The following CLMP variants were observed in gnomAD, a reference collection of about 807,000 sequenced individuals.
The protein encoded by CLMP is CXADR like cell adhesion molecule.
In CLMP, 27 loss-of-function variants were observed where a neutral mutation model predicts 45.2. The ratio of observed to expected loss-of-function variants is 0.60; its 90% CI spans 0.44 to 0.82. The LOEUF (loss-of-function observed/expected upper bound fraction) is 0.82, where lower values mean the gene tolerates loss of function less well. Among genes scored for constraint, CLMP ranks in the 40% least tolerant of loss-of-function variants. CLMP has a pLI of 0.00. For synonymous variants in CLMP, 167 were observed against 171.4 expected, an observed-to-expected ratio of 0.97 and a Z score of 0.20; for missense variants, 403 against 448.4, an observed-to-expected ratio of 0.90 and a Z score of 0.91.
chr11:123,135,112 T>C (rs951504362), intron 1 of CLMP, among the ~76,000 whole-genome samples: 1 of 151,652 alleles, frequency 6.6e-6, no homozygotes, highest in Admixed American at 6.6e-5. Flanking sequence ...ATACAAAAAT[T>C]AGCCAGACAT....
intron 1 of CLMP, among the ~76,000 whole-genome samples, chr11:123,136,880 C>T (rs1861080809): frequency 6.6e-6 from 1 of 151,936 alleles, no homozygotes; most frequent in Admixed American, 6.6e-5. Flanking sequence ...CTTTGATTTT[C>T]TGAAAGTATA....
chr11:123,132,019 G>A (rs11219010), intron 1 of CLMP, among the ~76,000 whole-genome samples: 21,419 of 152,164 alleles, frequency 0.14, 1,894 homozygotes, highest in East Asian at 0.25. Flanking sequence ...AAAGCACGTT[G>A]TATAAAATTT....
intron 1 of CLMP, among the ~76,000 whole-genome samples, chr11:123,132,791 T>A (rs925672063): frequency 3.8e-4 from 58 of 151,648 alleles, no homozygotes; most frequent in African/African-American, 1.2e-3. Context: ...TTATTTATTT[T>A]TTTTTGAGAC....
chr11:123,118,662 C>T (rs975191394), intron 1 of CLMP, among the ~76,000 whole-genome samples: 2 of 152,082 alleles, frequency 1.3e-5, no homozygotes, highest in African/African-American at 2.4e-5. Flanking sequence ...CAAGAATAGA[C>T]CTGGCATTGC....
intron 1 of CLMP, among the ~76,000 whole-genome samples, chr11:123,192,051 A>T (rs1385726077): frequency 6.6e-6 from 1 of 152,246 alleles, no homozygotes; most frequent in Non-Finnish European, 1.5e-5. Flanking sequence ...GGGAATGAAC[A>T]TGATTTTGAT....
rs140979823 is a variant in CLMP at position 123,116,294 on chromosome 11, T to G, written c.29-18342A>C. Reference sequence around the variant, plus strand: ...TTAATAAAGCCTTAAAGGCCTGGCATGGTGGCTCACGCCTGTAATCCCAGC... The same window carrying G: ...TTAATAAAGCCTTAAAGGCCTGGCAGGGTGGCTCACGCCTGTAATCCCAGC... On this transcript the variant is annotated intron_variant, in intron 1 of 6. Coordinates refer to ENST00000448775, the MANE Select transcript of CLMP (RefSeq NM_024769.5). 2.8e-4 allele frequency among the ~76,000 whole-genome samples: 43 copies of G among 152,214 alleles called. No homozygotes were observed. In the East Asian group the frequency reaches 8.1e-3, roughly 29 times the overall value.
chr11:123,085,693 C>G (rs1451120417), intron 2 of CLMP, among the ~76,000 whole-genome samples: 1 of 151,714 alleles, frequency 6.6e-6, no homozygotes, highest in Non-Finnish European at 1.5e-5. Context: ...CACAGTTACC[C>G]CTCTGCACAC....
intron 5 of CLMP, 149 bp from the exon 6 acceptor site, chr11:123,074,992 G>A (rs1435663678): frequency 3.2e-6 from 3 of 926,020 alleles, no homozygotes; most frequent in African/African-American, 3.4e-5. Context: ...TTTCACTCTT[G>A]TTGCCCAGGC....
At chr11:123,095,389 C>T (rs1362083028) in intron 2 of CLMP, among the ~76,000 whole-genome samples, 1 of 151,966 alleles carries the variant, frequency 6.6e-6, no homozygotes, top group Non-Finnish European at 1.5e-5. Flanking sequence ...CTGCCTTGGC[C>T]TCCTGAGTAG....
At chr11:123,120,948 A>C (rs1860807789) in intron 1 of CLMP, among the ~76,000 whole-genome samples, 1 of 151,880 alleles carries the variant, frequency 6.6e-6, no homozygotes, top group South Asian at 2.1e-4. Flanking sequence ...AACATGGTGA[A>C]ACCCCCTCTC....
intron 1 of CLMP, among the ~76,000 whole-genome samples, chr11:123,134,785 G>T (rs1333771698): frequency 6.6e-6 from 1 of 150,634 alleles, no homozygotes; most frequent in Non-Finnish European, 1.5e-5. Context: ...TCCAGCCCGG[G>T]CAACAGAGTG....
At chr11:123,121,412 C>T (rs1450572524) in intron 1 of CLMP, among the ~76,000 whole-genome samples, 1 of 152,122 alleles carries the variant, frequency 6.6e-6, no homozygotes, top group Non-Finnish European at 1.5e-5. Flanking sequence ...ATTCTCCTGC[C>T]TCAGCCTCCT....
chr11:123,167,284 T>C (rs1334935493), intron 1 of CLMP, among the ~76,000 whole-genome samples: 1 of 151,938 alleles, frequency 6.6e-6, no homozygotes, highest in African/African-American at 2.4e-5. Flanking sequence ...ATGTCTTTTA[T>C]TTCTTTCTTT....
chr11:123,139,040 C>T (rs577916947), intron 1 of CLMP, among the ~76,000 whole-genome samples: 45 of 152,084 alleles, frequency 3.0e-4, no homozygotes, highest in Admixed American at 5.9e-4. Context: ...ATTTAAGTTC[C>T]GTGTCTATAA....
At position 123,072,038 on chromosome 11, in the gene CLMP, C is replaced by G. The variant is rs2135458050; in HGVS notation, c.*1436G>C. ...CCCACTACTTATTCTCATCTCTTCC[C>G]TAAATATTAGTACCCTTTTCTTCCA... On this transcript the variant is annotated 3_prime_UTR_variant, in exon 7 of 7. Transcript: ENST00000448775. 6.6e-6 allele frequency: 1 copy of G among 152,320 alleles called. No individual in the cohort carries two copies. Among genetic ancestry groups the G allele is most frequent in the East Asian group, 1.9e-4 (1 of 5,190 alleles). 9.4% of individuals were successfully genotyped at this position (152,320 alleles called of 1,614,324 possible). A position where few individuals can be genotyped will look rare whatever the true frequency, so the allele number is the denominator to read the frequency against.
At chr11:123,107,244 T>A (rs58049889) in intron 1 of CLMP, among the ~76,000 whole-genome samples, 7 of 151,504 alleles carry the variant, frequency 4.6e-5, no homozygotes, top group Non-Finnish European at 7.4e-5. Context: ...TTTTTTTTTT[T>A]AATTTAGACG....
chr11:123,132,607 T>C (rs184564167), intron 1 of CLMP, among the ~76,000 whole-genome samples: 14,245 of 151,648 alleles, frequency 0.094, 841 homozygotes, highest in South Asian at 0.18. Context: ...TACAGGCGCC[T>C]GCCACCACAC....
chr11:123,174,259 T>C (rs1861671632), intron 1 of CLMP, among the ~76,000 whole-genome samples: 2 of 152,050 alleles, frequency 1.3e-5, no homozygotes. Context: ...ACCTCATATC[T>C]CCCTCCACAT....
chr11:123,137,131 CTCTTTTTTTCTTTT>C (rs1861084522), intron 1 of CLMP, among the ~76,000 whole-genome samples: 1 of 143,282 alleles, frequency 7.0e-6, no homozygotes, highest in East Asian at 2.0e-4. Flanking sequence ...GCAGACCTTT[CTCTTTTTTTCTTTT>C]TCTTTTTTTT....
Sources: gnomAD v4.1 joint callset for allele counts (sites outside exome capture counted in the v4.1 genomes callset) on GRCh38, gnomAD v4.1.1 for gene constraint, MANE v1.5 for transcripts, NCBI Gene and HGNC (gene_info 2026-07-23, HGNC 2026-07-21) for gene names.